The following TFDP2 variants were observed in gnomAD, a reference collection of about 807,000 sequenced individuals.
TFDP2 encodes transcription factor Dp-2 (E2F dimerization partner 2).
A neutral mutation model predicts 59.3 loss-of-function variants in TFDP2; 17 were observed. The ratio of observed to expected loss-of-function variants is 0.29; its 90% CI spans 0.20 to 0.43. The LOEUF (loss-of-function observed/expected upper bound fraction) is 0.43, where lower values mean the gene tolerates loss of function less well. Ranked by LOEUF, TFDP2 falls within the 20% of genes least tolerant of loss-of-function variation. The pLI is 1.00. For synonymous variants in TFDP2, 180 were observed against 194.7 expected (o/e 0.92, Z 0.63); for missense variants, 391 against 528.8 (o/e 0.74, Z 2.56).
chr3:141,952,869 G>C, intron 12 of TFDP2, 42 bp downstream of exon 12: 7 of 1,588,538 alleles, frequency 4.4e-6, no homozygotes, highest in Non-Finnish European at 5.2e-6. Context: ...AGACAGTCAG[G>C]GCTCTGGGGT....
chr3:142,109,515 A>G (rs1285773493), intron 1 of TFDP2, among the ~76,000 whole-genome samples: 5 of 152,052 alleles, frequency 3.3e-5, no homozygotes, highest in African/African-American at 1.2e-4. Flanking sequence ...TTTAGTAGAG[A>G]TGGTGTTTCA....
chr3:142,001,997 T>G (rs867303738), intron 4 of TFDP2, among the ~76,000 whole-genome samples: 5 of 150,936 alleles, frequency 3.3e-5, no homozygotes, highest in South Asian at 4.2e-4. Flanking sequence ...CTGGTTTTTT[T>G]TTTTTTTTTT....
In TFDP2 at chr3:141,949,395, A is replaced by C. The variant is rs961808695; in HGVS notation, c.*3118T>G. The C allele has an allele frequency of 1.3e-5, 2 of 152,356 alleles. No individual in the cohort carries two copies. Among genetic ancestry groups the C allele is most frequent in the East Asian group, 3.9e-4 (2 of 5,184 alleles). 9.4% of individuals were successfully genotyped at this position (152,356 alleles called of 1,614,324 possible). The stretch of plus-strand genomic sequence containing the variant: ...GGTCGCTCCTTTCCCGCCCTCCTCC[A>C]AGGCCCACCTTGATCATAAGGCACA... On this transcript the variant is annotated 3_prime_UTR_variant, in exon 13 of 13. Transcript: ENST00000489671.
At chr3:142,137,878 G>A (rs972633112) in intron 1 of TFDP2, among the ~76,000 whole-genome samples, 1 of 152,198 alleles carries the variant, frequency 6.6e-6, no homozygotes, top group Non-Finnish European at 1.5e-5. Flanking sequence ...TCAGGATGAT[G>A]CTGGCCTCAT....
intron 6 of TFDP2, among the ~76,000 whole-genome samples, chr3:141,988,669 C>CTTT (rs540352017): frequency 4.0e-4 from 50 of 125,692 alleles, no homozygotes; most frequent in East Asian, 6.9e-4. Flanking sequence ...CTTTTCTTTT[C>CTTT]TTTTTTTTTT....
intron 3 of TFDP2, among the ~76,000 whole-genome samples, chr3:142,020,976 C>T (rs540079139): frequency 2.5e-5 from 3 of 120,138 alleles, no homozygotes; most frequent in African/African-American, 7.9e-5. Flanking sequence ...CAAAGCAACA[C>T]CCTGTCTCAA....
intron 8 of TFDP2, among the ~76,000 whole-genome samples, chr3:141,970,832 G>C (rs1337036813): frequency 6.6e-6 from 1 of 151,774 alleles, no homozygotes; most frequent in Admixed American, 6.6e-5. Context: ...GAGGCCGAGG[G>C]GGGAGAATCA....
At chr3:142,140,245 T>C (rs2062895097) in intron 1 of TFDP2, among the ~76,000 whole-genome samples, 1 of 152,184 alleles carries the variant, frequency 6.6e-6, no homozygotes, top group South Asian at 2.1e-4. Flanking sequence ...CTCTACACTG[T>C]TTATTCTAGT....
chr3:141,966,916 T>TAAA (rs10668338), intron 9 of TFDP2, among the ~76,000 whole-genome samples: 9,054 of 120,516 alleles, frequency 0.075, 428 homozygotes, highest in Non-Finnish European at 0.11. Flanking sequence ...GATTACTTAT[T>TAAA]AAAAAAAAAA....
At chr3:141,961,046 A>G (rs991722324) in intron 10 of TFDP2, among the ~76,000 whole-genome samples, 1 of 152,206 alleles carries the variant, frequency 6.6e-6, no homozygotes, top group Non-Finnish European at 1.5e-5. Context: ...AACAGTGTCC[A>G]CAATACCCTA....
chr3:142,003,529 A>C (rs1279722382), intron 4 of TFDP2, among the ~76,000 whole-genome samples: 1 of 152,236 alleles, frequency 6.6e-6, no homozygotes, highest in East Asian at 1.9e-4. Flanking sequence ...GCACCACAAT[A>C]GGGATTAAGC....
intron 12 of TFDP2, 32 bp downstream of exon 12, chr3:141,952,879 T>C: frequency 6.3e-7 from 1 of 1,598,320 alleles, no homozygotes; most frequent in Non-Finnish European, 8.6e-7. Flanking sequence ...GGCTCTGGGG[T>C]TTGCCTTTCT....
rs1935038765 is a variant in TFDP2 at position 141,944,492 on chromosome 3, T to A, written c.*8021A>T. ...TTCAAATCATAAAAGTCTGATACAT[T>A]TTTTTCTCAAGAACAACTTACACTC... On this transcript the variant is annotated 3_prime_UTR_variant, in exon 13 of 13. Coordinates refer to ENST00000489671, the MANE Select transcript of TFDP2 (RefSeq NM_001178139.2). The A allele has an allele frequency of 6.6e-6, 1 of 152,234 alleles. No individual in the cohort carries two copies. Among genetic ancestry groups the A allele is most frequent in the Non-Finnish European group, 1.5e-5 (1 of 68,040 alleles). 9.4% of individuals were successfully genotyped at this position (152,234 alleles called of 1,614,324 possible). A position where few individuals can be genotyped will look rare whatever the true frequency, so the allele number is the denominator to read the frequency against.
At chr3:142,000,772 A>G (rs1943693248) in intron 4 of TFDP2, among the ~76,000 whole-genome samples, 1 of 152,216 alleles carries the variant, frequency 6.6e-6, no homozygotes, top group Non-Finnish European at 1.5e-5. Context: ...CAAAAGGGAG[A>G]AAATAGAAAA....
intron 2 of TFDP2, among the ~76,000 whole-genome samples, chr3:142,096,134 TG>T (rs2061155849): frequency 6.6e-6 from 1 of 152,188 alleles, no homozygotes; most frequent in Non-Finnish European, 1.5e-5. Context: ...ACCAACAAAT[TG>T]TACTCCAAAA....
intron 1 of TFDP2, among the ~76,000 whole-genome samples, chr3:142,143,016 A>G (rs1352438064): frequency 6.6e-6 from 1 of 152,200 alleles, no homozygotes; most frequent in Non-Finnish European, 1.5e-5. Context: ...CGAGCAGATC[A>G]CTTGAGGTCA....
At position 141,948,070 on chromosome 3, in the gene TFDP2, G is replaced by A. The variant is rs1466815789; in HGVS notation, c.*4443C>T. 6.6e-6 allele frequency: 1 copy of A among 152,198 alleles called. No individual in the cohort carries two copies. Among genetic ancestry groups the A allele is most frequent in the Non-Finnish European group, 1.5e-5 (1 of 68,060 alleles). 9.4% of individuals were successfully genotyped at this position (152,198 alleles called of 1,614,324 possible). A position where few individuals can be genotyped will look rare whatever the true frequency, so the allele number is the denominator to read the frequency against. On this transcript the variant is annotated 3_prime_UTR_variant, in exon 13 of 13. Coordinates refer to ENST00000489671, the MANE Select transcript of TFDP2 (RefSeq NM_001178139.2). ...GCCTGCTCACAGTAGGTACTCAAATGCTTACTGAATGAAGGATGAAATCTT... is the reference window on the plus strand; with the variant it reads ...GCCTGCTCACAGTAGGTACTCAAATACTTACTGAATGAAGGATGAAATCTT...
At chr3:142,148,433 C>G (rs944356305) in intron 1 of TFDP2, among the ~76,000 whole-genome samples, 3 of 152,208 alleles carry the variant, frequency 2.0e-5, no homozygotes, top group African/African-American at 7.2e-5. Context: ...CTAACTAATG[C>G]AAGGCATTTA....
Position 141,952,537 on chromosome 3 carries a change from CTCA to C in TFDP2, c.1314_1316del (p.Asp438del), listed in dbSNP as rs781146262. 9 of 1,550,708 alleles carry C rather than the reference CTCA, an allele frequency of 5.8e-6. No individual in the cohort carries two copies. The Admixed American group carries it at 9.4e-5, about 16-fold the overall frequency. ...TTTATTCTGGGGAGGAGGAATCCTC[CTCA>C]TCATCTTCCTCATCTTCATCATTGA... On this transcript the variant is annotated inframe_deletion, in exon 13 of 13. Transcript: ENST00000489671.
Sources: gnomAD v4.1 joint callset for allele counts (sites outside exome capture counted in the v4.1 genomes callset) on GRCh38, gnomAD v4.1.1 for gene constraint, MANE v1.5 for transcripts, NCBI Gene and HGNC (gene_info 2026-07-23, HGNC 2026-07-21) for gene names.